The following NDUFS4 variants were observed in gnomAD, a reference collection of about 807,000 sequenced individuals.
The protein encoded by NDUFS4 is NADH:ubiquinone oxidoreductase subunit S4.
In NDUFS4, 28 loss-of-function variants were observed where a neutral mutation model predicts 24.3. The observed-to-expected ratio is 1.15, with a 90% CI of 0.85 to 1.58. NDUFS4 has a LOEUF of 1.58. NDUFS4 is among the 40% of genes most tolerant of loss of function. NDUFS4 has a pLI of 0.00. For synonymous variants in NDUFS4, 93 were observed against 69.7 expected, an observed-to-expected ratio of 1.34 and a Z score of -1.67; for missense variants, 223 against 207.9, an observed-to-expected ratio of 1.07 and a Z score of -0.45.
rs911940933 is a variant in NDUFS4 at position 53,639,726 on chromosome 5, A to T, written c.178-6507A>T. ...TCTTGTTTAAAAATCAGGCAGTTAT[A>T]AAAAATATCACAGAAGCAAAGAAAC... On this transcript the variant is annotated intron_variant, in intron 2 of 4. Transcript: ENST00000296684. Among the ~76,000 whole-genome samples, 3 of 152,150 alleles carry T rather than the reference A, an allele frequency of 2.0e-5. No homozygotes were observed. The East Asian group carries it at 5.8e-4, about 29-fold the overall frequency.
chr5:53,606,938 A>C (rs1750533847), intron 2 of NDUFS4, among the ~76,000 whole-genome samples: 1 of 152,268 alleles, frequency 6.6e-6, no homozygotes, highest in Non-Finnish European at 1.5e-5. Flanking sequence ...TACCTAATAC[A>C]GTGTAACTGT....
intron 4 of NDUFS4, among the ~76,000 whole-genome samples, chr5:53,676,416 T>C (rs1740471409): frequency 6.6e-6 from 1 of 152,238 alleles, no homozygotes; most frequent in Admixed American, 6.5e-5. Flanking sequence ...AACCTTGTTT[T>C]ATATGTGTTT....
chr5:53,625,482 A>G (rs1751191347), intron 2 of NDUFS4, among the ~76,000 whole-genome samples: 1 of 152,102 alleles, frequency 6.6e-6, no homozygotes, highest in Admixed American at 6.6e-5. Context: ...TGTAACTATA[A>G]CACTTATATT....
intron 2 of NDUFS4, among the ~76,000 whole-genome samples, chr5:53,639,527 C>T (rs1751651337): frequency 6.6e-6 from 1 of 151,848 alleles, no homozygotes. Flanking sequence ...TTGCAAGTTA[C>T]CAAAAAGATT....
chr5:53,595,073 A>C (rs913368515), intron 1 of NDUFS4, among the ~76,000 whole-genome samples: 1 of 152,154 alleles, frequency 6.6e-6, no homozygotes, highest in African/African-American at 2.4e-5. Context: ...TTATGTAATA[A>C]ATCTACAGAT....
At chr5:53,638,833 G>C (rs1389684489) in intron 2 of NDUFS4, among the ~76,000 whole-genome samples, 1 of 152,042 alleles carries the variant, frequency 6.6e-6, no homozygotes, top group Admixed American at 6.6e-5. Context: ...TAACAGAGAA[G>C]ACCAAATTTC....
chr5:53,597,566 T>G lies in NDUFS4; in HGVS notation c.99-5886T>G, dbSNP rs146350315. Among the ~76,000 whole-genome samples, 455 of 152,334 alleles carry G rather than the reference T, an allele frequency of 3.0e-3. 1 individual carries two copies. The highest frequency in any genetic ancestry group is 0.011 in the African/African-American group (439 of 41,570). On this transcript the variant is annotated intron_variant, in intron 1 of 4. Coordinates refer to ENST00000296684, the MANE Select transcript of NDUFS4 (RefSeq NM_002495.4). ...GTTGTTTAGATACTATTTTTCAGTG[T>G]AATGTTTTAAAAATCTTCACTGTTT...
rs184147289 is a variant in NDUFS4, at chr5:53,631,030, G to A, written c.178-15203G>A. Among the ~76,000 whole-genome samples, 369 of 152,144 alleles carry A rather than the reference G, an allele frequency of 2.4e-3. 2 individuals are homozygous for A. The highest frequency in any genetic ancestry group is 8.5e-3 in the African/African-American group (353 of 41,502). ...CACCTTTGTGGTTTTTTCTACCTTC[G>A]GTCTTTGATGTTGGTGACCTATGGA... On this transcript the variant is annotated intron_variant, in intron 2 of 4. Coordinates refer to ENST00000296684, the MANE Select transcript of NDUFS4 (RefSeq NM_002495.4).
At chr5:53,608,802 A>G (rs1486694684) in intron 2 of NDUFS4, among the ~76,000 whole-genome samples, 1 of 152,198 alleles carries the variant, frequency 6.6e-6, no homozygotes, top group African/African-American at 2.4e-5. Flanking sequence ...TTGAATCAAT[A>G]TTTATTTCAG....
intron 2 of NDUFS4, among the ~76,000 whole-genome samples, chr5:53,623,422 A>G (rs1323181715): frequency 6.6e-6 from 1 of 152,068 alleles, no homozygotes; most frequent in African/African-American, 2.4e-5. Context: ...ATCTTTGGAG[A>G]AATGTCTATT....
rs532941649 is a variant in NDUFS4, at chr5:53,613,621, G to A, written c.177+10091G>A. On this transcript the variant is annotated intron_variant, in intron 2 of 4. Transcript: ENST00000296684. Reference sequence around the variant, plus strand: ...ACTATAGTTTTTTTTTTTTTACAATGTATTTCCCTGTGTCAGTTTTTACAC... The same window carrying A: ...ACTATAGTTTTTTTTTTTTTACAATATATTTCCCTGTGTCAGTTTTTACAC... 8.1e-5 allele frequency among the ~76,000 whole-genome samples: 11 copies of A among 135,910 alleles called. No individual in the cohort carries two copies. The East Asian group carries it at 2.3e-3, about 29-fold the overall frequency. The allele number at this position is 135,910 out of a possible 152,430, so 89.2% of individuals were successfully genotyped here.
chr5:53,605,048 C>T (rs1021907370), intron 2 of NDUFS4, among the ~76,000 whole-genome samples: 8 of 152,086 alleles, frequency 5.3e-5, no homozygotes, highest in Non-Finnish European at 8.8e-5. Flanking sequence ...GGTGATACCC[C>T]GTCTCTACTA....
chr5:53,608,408 A>T (rs1227523101), intron 2 of NDUFS4, among the ~76,000 whole-genome samples: 2 of 152,176 alleles, frequency 1.3e-5, no homozygotes, highest in Non-Finnish European at 2.9e-5. Flanking sequence ...CTTTCATGAA[A>T]AATTTCTCTG....
chr5:53,679,980 A>AAAG (rs796721430), intron 4 of NDUFS4, among the ~76,000 whole-genome samples: 4 of 152,308 alleles, frequency 2.6e-5, no homozygotes, highest in African/African-American at 9.6e-5. Context: ...AGGATTCTTA[A>AAAG]AAGTCTTTTC....
rs140490625 is a variant in NDUFS4 at position 53,665,337 on chromosome 5, C to G, written c.424+6713C>G. 3.7e-3 allele frequency among the ~76,000 whole-genome samples: 566 copies of G among 152,270 alleles called. 20 individuals are homozygous for G. The East Asian group carries it at 0.075, about 20-fold the overall frequency. On this transcript the variant is annotated intron_variant, in intron 4 of 4. Coordinates refer to ENST00000296684, the MANE Select transcript of NDUFS4 (RefSeq NM_002495.4). ...ATCTCCAGCTGCCTGCTAGGAGAAC[C>G]ACTACTCTTCAAAGCTGTCAGACAG...
intron 1 of NDUFS4, among the ~76,000 whole-genome samples, chr5:53,587,897 A>G (rs953030538): frequency 2.6e-5 from 4 of 152,192 alleles, no homozygotes; most frequent in African/African-American, 9.6e-5. Context: ...TTTTTAAGGT[A>G]AATTACCACT....
chr5:53,625,756 G>A (rs540262874), intron 2 of NDUFS4, among the ~76,000 whole-genome samples: 17 of 151,654 alleles, frequency 1.1e-4, no homozygotes, highest in African/African-American at 4.1e-4. Context: ...CACTCATTTT[G>A]TCCATCTTTT....
intron 4 of NDUFS4, among the ~76,000 whole-genome samples, chr5:53,661,502 A>G (rs1214835451): frequency 3.3e-5 from 5 of 152,102 alleles, no homozygotes; most frequent in African/African-American, 1.2e-4. Context: ...TTGGTTCCAT[A>G]TGAAGTTTAA....
At chr5:53,577,006 G>C (rs1036350622) in intron 1 of NDUFS4, among the ~76,000 whole-genome samples, 3 of 152,042 alleles carry the variant, frequency 2.0e-5, no homozygotes, top group African/African-American at 7.2e-5. Context: ...GGTTTGTGTA[G>C]GGCTTCACCT....
Sources: gnomAD v4.1 joint callset for allele counts (sites outside exome capture counted in the v4.1 genomes callset) on GRCh38, gnomAD v4.1.1 for gene constraint, MANE v1.5 for transcripts, NCBI Gene and HGNC (gene_info 2026-07-23, HGNC 2026-07-21) for gene names.